The following MAP2K3 variants were observed in gnomAD, a reference collection of about 807,000 sequenced individuals.
MAP2K3 encodes the protein mitogen-activated protein kinase kinase 3.
In MAP2K3, 30 loss-of-function variants were observed where a neutral mutation model predicts 46.4. The observed-to-expected ratio is 0.65, with a 90% confidence interval of 0.48 to 0.88. The LOEUF is 0.88. Among genes scored for constraint, MAP2K3 ranks in the 40% least tolerant of loss-of-function variants. The pLI is 0.00. For missense variants in MAP2K3, 380 were observed against 464.5 expected (o/e 0.82, Z 1.67); for synonymous variants, 189 against 176.3 (o/e 1.07, Z -0.57).
Position 21,314,406 on chromosome 17 carries a change from G to T in MAP2K3, c.*176G>T, listed in dbSNP as rs572542018. On this transcript the variant is annotated 3_prime_UTR_variant, in exon 12 of 12. Coordinates refer to ENST00000342679, the MANE Select transcript of MAP2K3 (RefSeq NM_145109.3). Reference sequence around the variant, plus strand: ...GCCATTTGTCCCAAGTGCCAAAGAAGCAGACCATTGGGGCTCCCAGCCAGG... The same window carrying T: ...GCCATTTGTCCCAAGTGCCAAAGAATCAGACCATTGGGGCTCCCAGCCAGG... 4.6e-5 allele frequency: 29 copies of T among 627,590 alleles called. No homozygotes were observed. Among genetic ancestry groups the T allele is most frequent in the Non-Finnish European group, 7.9e-5 (28 of 354,112 alleles). The allele number at this position is 627,590 out of a possible 1,614,324, so 38.9% of individuals were successfully genotyped here. A position where few individuals can be genotyped will look rare whatever the true frequency, so the allele number is the denominator to read the frequency against.
Position 21,298,456 on chromosome 17 carries a change from C to T in MAP2K3, c.93C>T (p.Ser31=), listed in dbSNP as rs766538270. 2 of 1,614,204 alleles carry T rather than the reference C, an allele frequency of 1.2e-6. No homozygotes were observed. The highest frequency in any genetic ancestry group is 8.5e-7 in the Non-Finnish European group (1 of 1,180,070). ...AGGATCTACGGATATCCTGCATGTC[C>T]AAGCCACCCGCACCCAACCCCACGT... is the stretch of plus-strand genomic sequence containing the variant. ...RKKDLRISCM[S]KPPAPNPTPP... is the part of the protein sequence containing the mutation. Residue 31 remains serine, a synonymous_variant, in exon 2 of 12, where the codon TCC becomes TCT. Transcript: ENST00000342679.
At chr17:21,306,564 G>A (rs62057737) in intron 9 of MAP2K3, among the ~76,000 whole-genome samples, 7 of 152,406 alleles carry the variant, frequency 4.6e-5, no homozygotes, top group South Asian at 2.1e-4. Flanking sequence ...TTAGCTCACC[G>A]TAACCTCTGC....
chr17:21,284,961 A>G lies in MAP2K3; in HGVS notation c.41A>G (p.Gln14Arg). Residue 14 changes from glutamine to arginine, a missense_variant, in exon 1 of 12, where the codon CAG becomes CGG. This residue lies in a region of MAP2K3 where 294 missense variants were observed against 275.4 expected (regional missense o/e 1.07). Coordinates refer to ENST00000342679, the MANE Select transcript of MAP2K3 (RefSeq NM_145109.3). ...TCGAGCCAGCCCGCCAGCATGCCCC[A>G]GTCCAAAGGTAGGCGCTCCCGGCCG... ...PASSQPASMP[Q>R]SKGKSKRKKD... The G allele has an allele frequency of 6.2e-7, 1 of 1,611,744 alleles. No homozygotes were observed. Among genetic ancestry groups the G allele is most frequent in the South Asian group, 1.1e-5 (1 of 90,638 alleles).
At position 21,284,892 on chromosome 17, in the gene MAP2K3, T is replaced by C; in HGVS notation, c.-29T>C. Reference sequence around the variant, plus strand: ...GAGCCCGCAGTCCTCTAGATTAGTCTCCACCGCCGTCCAGGACCCACTTGC... The same window carrying C: ...GAGCCCGCAGTCCTCTAGATTAGTCCCCACCGCCGTCCAGGACCCACTTGC... On this transcript the variant is annotated 5_prime_UTR_variant, in exon 1 of 12. Transcript: ENST00000342679. 6.2e-7 allele frequency: 1 copy of C among 1,611,172 alleles called. No homozygotes were observed. Among genetic ancestry groups the C allele is most frequent in the South Asian group, 1.1e-5 (1 of 90,726 alleles).
chr17:21,314,422 C>T lies in MAP2K3; in HGVS notation c.*192C>T, dbSNP rs1251685483. ...GCCAAAGAAGCAGACCATTGGGGCT[C>T]CCAGCCAGGCCCTTGTCGGCCCCAC... On this transcript the variant is annotated 3_prime_UTR_variant, in exon 12 of 12. Transcript: ENST00000342679. 1 of 592,744 alleles carries T rather than the reference C, an allele frequency of 1.7e-6. No homozygotes were observed. The highest frequency in any genetic ancestry group is 1.9e-5 in the African/African-American group (1 of 53,618). 36.7% of individuals were successfully genotyped at this position (592,744 alleles called of 1,614,324 possible).
At chr17:21,304,291 A>G in intron 7 of MAP2K3, 135 bp from the exon 8 acceptor site, 1 of 1,518,204 alleles carries the variant, frequency 6.6e-7, no homozygotes, top group Non-Finnish European at 9.0e-7. Context: ...ACCCTGGTGC[A>G]ACCTGCCCAC....
intron 7 of MAP2K3, among the ~76,000 whole-genome samples, chr17:21,304,032 TCC>T: frequency 0.021 from 1 of 48 alleles, no homozygotes. Flanking sequence ...AACACGCAGA[TCC>T]TGCCTCCCAG....
At chr17:21,292,583 T>C (rs908682417) in intron 1 of MAP2K3, among the ~76,000 whole-genome samples, 6 of 152,304 alleles carry the variant, frequency 3.9e-5, no homozygotes, top group African/African-American at 7.2e-5. Context: ...CAGGCTAGTA[T>C]TGAACTCCTG....
chr17:21,302,279 TGGC>T lies in MAP2K3; in HGVS notation c.516+23_516+25del, dbSNP rs745336460. The T allele has an allele frequency of 0.01, 4,685 of 459,482 alleles. No individual in the cohort carries two copies. The highest frequency in any genetic ancestry group is 0.017 in the Non-Finnish European group (4,182 of 244,740). 28.5% of individuals were successfully genotyped at this position (459,482 alleles called of 1,614,324 possible). ...GTGTCTGTGAGTGGCCTGGGTGGGC[TGGC>T]GGGGGGTCCTAGGTGCATAGGCAGA... On this transcript the variant is annotated intron_variant, in intron 6 of 11. Coordinates refer to ENST00000342679, the MANE Select transcript of MAP2K3 (RefSeq NM_145109.3).
chr17:21,307,823 T>C (rs1976967850), intron 9 of MAP2K3, among the ~76,000 whole-genome samples: 1 of 145,338 alleles, frequency 6.9e-6, no homozygotes, highest in Non-Finnish European at 1.5e-5. Context: ...GATTACAGGC[T>C]CGTGCCACCA....
At chr17:21,311,235 G>A (rs776903281) in intron 9 of MAP2K3, among the ~76,000 whole-genome samples, 2 of 152,166 alleles carry the variant, frequency 1.3e-5, no homozygotes, top group African/African-American at 4.8e-5. Context: ...GATGACGGCC[G>A]GCAGTGAGGG....
In MAP2K3 at chr17:21,300,528, CT is replaced by C; in HGVS notation, c.166-13del. 1 of 1,597,008 alleles carries C rather than the reference CT, an allele frequency of 6.3e-7. No homozygotes were observed. The highest frequency in any genetic ancestry group is 2.3e-5 in the East Asian group (1 of 44,340). ...TTCCAGCTTGCTGGCCACTGACTCT[CT>C]TTTCCATCCTTCAAGAACTTTGAGG... On this transcript the variant is annotated splice_polypyrimidine_tract_variant and intron_variant, in intron 3 of 11. Transcript: ENST00000342679.
At position 21,303,287 on chromosome 17, in the gene MAP2K3, G is replaced by A; in HGVS notation, c.568+53G>A. 4 of 1,611,748 alleles carry A rather than the reference G, an allele frequency of 2.5e-6. No individual in the cohort carries two copies. The South Asian group carries it at 4.4e-5, about 18-fold the overall frequency. ...GGTGTAGCCAGTGGGAGGGATCCCA[G>A]GCCAAGGCGGGTGGACGTCTCCCTA... On this transcript the variant is annotated intron_variant, in intron 7 of 11. Coordinates refer to ENST00000342679, the MANE Select transcript of MAP2K3 (RefSeq NM_145109.3).
intron 1 of MAP2K3, among the ~76,000 whole-genome samples, chr17:21,296,461 C>T (rs996576212): frequency 5.1e-4 from 78 of 152,400 alleles, no homozygotes; most frequent in African/African-American, 1.9e-3. Context: ...GTTGCCGTTT[C>T]TTGTTGAGCA....
intron 3 of MAP2K3, among the ~76,000 whole-genome samples, chr17:21,299,214 T>C (rs964953897): frequency 2.1e-3 from 322 of 152,042 alleles, no homozygotes; most frequent in African/African-American, 7.3e-3. Context: ...ATCCTAGCCC[T>C]AGGGGAGAGT....
chr17:21,312,907 T>C (rs1977232950), intron 10 of MAP2K3, among the ~76,000 whole-genome samples: 6 of 140,644 alleles, frequency 4.3e-5, no homozygotes, highest in Admixed American at 2.9e-4. Context: ...GGTGACAGAG[T>C]GAGACTGTCT....
intron 9 of MAP2K3, among the ~76,000 whole-genome samples, chr17:21,307,254 C>A (rs1291969132): frequency 2.6e-5 from 4 of 152,310 alleles, no homozygotes; most frequent in African/African-American, 9.6e-5. Context: ...TAAACTCAGG[C>A]TCCTTGTGGA....
intron 1 of MAP2K3, among the ~76,000 whole-genome samples, chr17:21,292,389 A>ATTTTT (rs11460376): frequency 5.0e-3 from 751 of 151,340 alleles, no homozygotes; most frequent in East Asian, 0.025. Flanking sequence ...TCTTCTTCTC[A>ATTTTT]TTTTTTTTTT....
intron 1 of MAP2K3, chr17:21,291,428 G>A (rs996852353): frequency 1.1e-4 from 48 of 456,166 alleles, no homozygotes; most frequent in Middle Eastern, 3.2e-4. Context: ...TTTGTTTTCC[G>A]TTCTGCAGGA....
Sources: gnomAD v4.1 joint callset for allele counts (sites outside exome capture counted in the v4.1 genomes callset) on GRCh38, gnomAD v4.1.1 for gene constraint, gnomAD v4.1.1 regional missense constraint, MANE v1.5 for transcripts, NCBI Gene and HGNC (gene_info 2026-07-23, HGNC 2026-07-21) for gene names.